The following NSD1 variants were observed in gnomAD, a reference collection of about 807,000 sequenced individuals.
NSD1 encodes nuclear receptor binding SET domain protein 1, also known as histone-lysine N-methyltransferase, H3 lysine-36 specific.
Under a neutral mutation model 242.7 loss-of-function variants are expected in NSD1, and 26 were observed. That is an observed-to-expected ratio of 0.11 (90% CI 0.08 to 0.15). NSD1 has a LOEUF of 0.15. Among genes scored for constraint, NSD1 ranks in the 10% least tolerant of loss-of-function variants. The pLI is 1.00. For missense variants in NSD1, 2,495 were observed against 3,272.8 expected (o/e 0.76, Z 5.80); for synonymous variants, 1,106 against 1,178.1 (o/e 0.94, Z 1.25).
chr5:177,148,044 T>C (rs1757397792), intron 2 of NSD1, among the ~76,000 whole-genome samples: 1 of 152,154 alleles, frequency 6.6e-6, no homozygotes, highest in Non-Finnish European at 1.5e-5. Flanking sequence ...GGGTTTTGTG[T>C]GACTGTAAGT....
intron 5 of NSD1, among the ~76,000 whole-genome samples, chr5:177,220,656 G>A (rs1230273061): frequency 1.5e-5 from 2 of 131,586 alleles, no homozygotes; most frequent in Non-Finnish European, 3.1e-5. Context: ...TGCAAACTCC[G>A]CCTCCCGGGT....
At chr5:177,244,124 CTT>C in intron 8 of NSD1, 69 bp from the exon 9 acceptor site, 1 of 1,113,996 alleles carries the variant, frequency 9.0e-7, no homozygotes, top group Non-Finnish European at 1.4e-6. Flanking sequence ...ACAATTCAGA[CTT>C]TGGCATATAA....
At chr5:177,140,091 A>G (rs1581104876) in intron 2 of NSD1, among the ~76,000 whole-genome samples, 1 of 152,284 alleles carries the variant, frequency 6.6e-6, no homozygotes, top group East Asian at 1.9e-4. Flanking sequence ...GCCTCTTGTC[A>G]CGAATTAGTA....
intron 14 of NSD1, chr5:177,266,278 C>T (rs1757451246): frequency 4.0e-6 from 3 of 745,708 alleles, no homozygotes; most frequent in Non-Finnish European, 7.5e-6. Context: ...TGATGGTCAC[C>T]AAGTGGTCTA....
chr5:177,148,629 TG>T (rs200914902), intron 2 of NSD1, among the ~76,000 whole-genome samples: 3,857 of 152,048 alleles, frequency 0.025, 50 homozygotes, highest in African/African-American at 0.029. Context: ...TTCACCATGT[TG>T]GGTCAGGCTG....
At chr5:177,133,368 C>T (rs889752388), upstream of NSD1, among the ~76,000 whole-genome samples, 1 of 152,098 alleles carries the variant, frequency 6.6e-6, no homozygotes, top group Admixed American at 6.5e-5. This position sits in a 1 kb window ranked among gnomAD's most constrained non-coding sequence, Gnocchi z 6.2. Context: ...GGTGCGGGAG[C>T]CGTGTGCGGC....
rs1472119471 is a variant in NSD1 at position 177,134,646 on chromosome 5, C to T, written c.-17-441C>T. On this transcript the variant is annotated intron_variant, in intron 1 of 22. Transcript: ENST00000439151. This position sits in a 1 kb window ranked among gnomAD's most constrained non-coding sequence, Gnocchi z 4.2. The stretch of plus-strand genomic sequence containing the variant: ...GCAGCGCTATTGTGACCGCTGCGCC[C>T]TAGCGAGCCAGGAAGGGGGGGGTAC... Among the ~76,000 whole-genome samples, 1 of 152,184 alleles carries T rather than the reference C, an allele frequency of 6.6e-6. No individual in the cohort carries two copies. The highest frequency in any genetic ancestry group is 1.5e-5 in the Non-Finnish European group (1 of 68,020).
rs770153979 is a variant in NSD1 at position 177,295,286 on chromosome 5, G to A, written c.7918G>A (p.Val2640Met). ...ATCACGGGCAGGGCTCTGGCCCATA[G>A]TGGCTGGACAGACACTGGCACAGTC... Reference protein sequence around the residue: ...ASSRAGLWPIVAGQTLAQSCW... With the variant: ...ASSRAGLWPIMAGQTLAQSCW... The change falls in exon 23 of 23, where the codon GTG (valine) becomes ATG (methionine). Residue 2640 changes from valine to methionine, a missense_variant. Physicochemically the swap from Val to Met is conservative, Grantham distance 21. Transcript: ENST00000439151. This position sits in a 1 kb window ranked among gnomAD's most constrained non-coding sequence, Gnocchi z 4.3. The A allele has an allele frequency of 1.3e-5, 21 of 1,614,158 alleles. No homozygotes were observed. The highest frequency in any genetic ancestry group is 1.6e-5 in the Non-Finnish European group (19 of 1,180,058).
At chr5:177,215,210 G>C (rs983149980) in intron 5 of NSD1, among the ~76,000 whole-genome samples, 1 of 144,472 alleles carries the variant, frequency 6.9e-6, no homozygotes, top group Non-Finnish European at 1.5e-5. Flanking sequence ...ATGGAGTTTC[G>C]CTCTTGTTGC....
upstream of NSD1, among the ~76,000 whole-genome samples, chr5:177,131,992 G>C (rs913424419): frequency 1.3e-5 from 2 of 152,240 alleles, no homozygotes; most frequent in African/African-American, 4.8e-5. Flanking sequence ...CTGGGGGAAG[G>C]GCCCGAGGGG....
At chr5:177,266,505 GC>G in intron 14 of NSD1, 2 of 625,364 alleles carry the variant, frequency 3.2e-6, no homozygotes, top group Non-Finnish European at 5.8e-6. Flanking sequence ...TGGACGTCAT[GC>G]CCTCGACGTT....
intron 2 of NSD1, among the ~76,000 whole-genome samples, chr5:177,153,316 T>G (rs1757877577): frequency 6.6e-6 from 1 of 152,152 alleles, no homozygotes; most frequent in South Asian, 2.1e-4. Context: ...CCAAAAGGAT[T>G]TTACCATTTT....
At position 177,135,254 on chromosome 5, in the gene NSD1, T is replaced by A; in HGVS notation, c.151T>A (p.Ser51Thr). 1 of 1,613,834 alleles carries A rather than the reference T, an allele frequency of 6.2e-7. No homozygotes were observed. The highest frequency in any genetic ancestry group is 8.5e-7 in the Non-Finnish European group (1 of 1,179,692). The change falls in exon 2 of 23, where the codon TCG becomes ACG. Residue 51 changes from serine (S) to threonine (T), a missense_variant. Ser to Thr is a moderately conservative substitution (Grantham distance 58). This residue lies in a region of NSD1 where 376 missense variants were observed against 367.4 expected (regional missense o/e 1.02). Transcript: ENST00000439151. Reference protein sequence around the residue: ...EPLNGCTMQLSTVSGTSQNAY... With the variant: ...EPLNGCTMQLTTVSGTSQNAY... ...ACTTAATGGGTGTACTATGCAGTTA[T>A]CGACTGTCAGTGGAACATCCCAAAA...
rs753761858 is a variant in NSD1, at chr5:177,298,239, C to G, written c.*2780C>G. 1 of 233,112 alleles carries G rather than the reference C, an allele frequency of 4.3e-6. No individual in the cohort carries two copies. The highest frequency in any genetic ancestry group is 5.6e-5 in the Admixed American group (1 of 17,776). The allele number at this position is 233,112 out of a possible 1,614,324, so 14.4% of individuals were successfully genotyped here. ...TTGGAGTGAAAAGGAAATCTTTCAT[C>G]TTAGAAAACTTCTGGTCCTTAACGC... On this transcript the variant is annotated 3_prime_UTR_variant, in exon 23 of 23. Coordinates refer to ENST00000439151, the MANE Select transcript of NSD1 (RefSeq NM_022455.5).
At chr5:177,137,700 T>C (rs1756454678) in intron 2 of NSD1, among the ~76,000 whole-genome samples, 1 of 152,130 alleles carries the variant, frequency 6.6e-6, no homozygotes, top group South Asian at 2.1e-4. Context: ...AATCTGAGAA[T>C]GGAGATAGAT....
chr5:177,197,199 G>A (rs1296261035), intron 3 of NSD1, among the ~76,000 whole-genome samples: 1 of 151,578 alleles, frequency 6.6e-6, no homozygotes, highest in Non-Finnish European at 1.5e-5. Context: ...AAACTTGGGA[G>A]GTGGAAGTTG....
At position 177,210,495 on chromosome 5, in the gene NSD1, A is replaced by G. The variant is rs752197591; in HGVS notation, c.2096A>G (p.Lys699Arg). 6 of 1,614,174 alleles carry G rather than the reference A, an allele frequency of 3.7e-6. No homozygotes were observed. The highest frequency in any genetic ancestry group is 5.1e-6 in the Non-Finnish European group (6 of 1,180,038). Residue 699 changes from lysine to arginine, a missense_variant, in exon 5 of 23, where the codon AAA (lysine) becomes AGA (arginine). Coordinates refer to ENST00000439151, the MANE Select transcript of NSD1 (RefSeq NM_022455.5). ...GCCACAAACACTAGGGTAAAAGCAA[A>G]ACAGAAGCCTCTCATTAGTAACTCA... ...FAATNTRVKA[K>R]QKPLISNSHT...
chr5:177,183,997 C>G (rs577858808), intron 2 of NSD1, among the ~76,000 whole-genome samples: 2 of 152,260 alleles, frequency 1.3e-5, no homozygotes, highest in East Asian at 3.9e-4. Context: ...GAATAACACT[C>G]CATTATGTAT....
chr5:177,282,850 T>G (rs532411244), intron 19 of NSD1, among the ~76,000 whole-genome samples: 1 of 152,348 alleles, frequency 6.6e-6, no homozygotes, highest in Non-Finnish European at 1.5e-5. Context: ...TCTACAGGAT[T>G]ACAAGTTTGA....
Sources: gnomAD v4.1 joint callset for allele counts (sites outside exome capture counted in the v4.1 genomes callset) on GRCh38, gnomAD v4.1.1 for gene constraint, gnomAD v4.1.1 regional missense constraint, Gnocchi (gnomAD v3.1) non-coding constraint, MANE v1.5 for transcripts, NCBI Gene and HGNC (gene_info 2026-07-23, HGNC 2026-07-21) for gene names.